Variants in KCNN4 observed in about 807,000 individuals in gnomAD.
The protein encoded by KCNN4 is intermediate conductance calcium-activated potassium channel protein 4.
A neutral mutation model predicts 45.2 loss-of-function variants in KCNN4; 31 were observed. That is an observed-to-expected ratio of 0.69 (90% CI 0.52 to 0.92). The LOEUF (loss-of-function observed/expected upper bound fraction) is 0.92, where lower values mean the gene tolerates loss of function less well. KCNN4 is among the 40% of genes least tolerant of loss of function. KCNN4 has a pLI of 0.00. For synonymous variants in KCNN4, 231 were observed against 254.6 expected (o/e 0.91, Z 0.88); for missense variants, 463 against 574.0 (o/e 0.81, Z 1.98).
In KCNN4 at chr19:43,772,604, C is replaced by G. The variant is rs1969673272; in HGVS notation, c.684-469G>C. 6.6e-6 allele frequency among the ~76,000 whole-genome samples: 1 copy of G among 152,186 alleles called. No homozygotes were observed. Among genetic ancestry groups the G allele is most frequent in the Non-Finnish European group, 1.5e-5 (1 of 68,034 alleles). ...GGCCCTATCAGGACCAAAAAGGACT[C>G]TAAAAAGGCTTGGTGGGACTCGGCC... On this transcript the variant is annotated intron_variant, in intron 3 of 8. Transcript: ENST00000648319. The surrounding 1 kb of genome is among the most constrained non-coding windows in gnomAD (Gnocchi z 4.4).
Position 43,769,351 on chromosome 19 carries a change from A to G in KCNN4, c.1049+91T>C, listed in dbSNP as rs1969573334. Reference sequence around the variant, plus strand: ...ACCACACCTGGGTGTCCTGACCTGGACAGGCATGGACATGCACACACACAG... The same window carrying G: ...ACCACACCTGGGTGTCCTGACCTGGGCAGGCATGGACATGCACACACACAG... On this transcript the variant is annotated intron_variant, in intron 6 of 8. Coordinates refer to ENST00000648319, the MANE Select transcript of KCNN4 (RefSeq NM_002250.3). This position sits in a 1 kb window ranked among gnomAD's most constrained non-coding sequence, Gnocchi z 4.4. 9.8e-7 allele frequency: 1 copy of G among 1,018,192 alleles called. No homozygotes were observed. The highest frequency in any genetic ancestry group is 1.5e-6 in the Non-Finnish European group (1 of 656,080). 63.1% of individuals were successfully genotyped at this position (1,018,192 alleles called of 1,614,324 possible).
rs1568391940 is a variant in KCNN4, at chr19:43,772,217, CATCCCCTTCCCTCT to C, written c.684-96_684-83del. The stretch of plus-strand genomic sequence containing the variant: ...CACTCCCCTTCCCTCTATACCCTCC[CATCCCCTTCCCTCT>C]GGTTCCCTCCCTTCCCCTCCCAGTA... On this transcript the variant is annotated intron_variant, in intron 3 of 8. Transcript: ENST00000648319. This position sits in a 1 kb window ranked among gnomAD's most constrained non-coding sequence, Gnocchi z 4.4. 2 of 1,492,306 alleles carry C rather than the reference CATCCCCTTCCCTCT, an allele frequency of 1.3e-6. No individual in the cohort carries two copies. The highest frequency in any genetic ancestry group is 2.4e-5 in the East Asian group (1 of 41,518). The allele number at this position is 1,492,306 out of a possible 1,614,324, so 92.4% of individuals were successfully genotyped here.
At position 43,769,849 on chromosome 19, in the gene KCNN4, C is replaced by T. The variant is rs201343391; in HGVS notation, c.820-20G>A. 9.5e-6 allele frequency: 15 copies of T among 1,579,792 alleles called. No homozygotes were observed. The African/African-American group carries it at 1.6e-4, about 17-fold the overall frequency. ...GACACCCTGTGGGCACAGCAGGCAC[C>T]GTGGCATGAGGCTGTGCCACCGACT... On this transcript the variant is annotated intron_variant, in intron 4 of 8. Coordinates refer to ENST00000648319, the MANE Select transcript of KCNN4 (RefSeq NM_002250.3). This position sits in a 1 kb window ranked among gnomAD's most constrained non-coding sequence, Gnocchi z 4.4.
Position 43,769,226 on chromosome 19 carries a change from C to T in KCNN4, c.1050-194G>A, listed in dbSNP as rs1969566300. 1 of 682,984 alleles carries T rather than the reference C, an allele frequency of 1.5e-6. No homozygotes were observed. The highest frequency in any genetic ancestry group is 1.8e-5 in the African/African-American group (1 of 55,730). 42.3% of individuals were successfully genotyped at this position (682,984 alleles called of 1,614,324 possible). On this transcript the variant is annotated intron_variant, in intron 6 of 8. Coordinates refer to ENST00000648319, the MANE Select transcript of KCNN4 (RefSeq NM_002250.3). The surrounding 1 kb of genome is among the most constrained non-coding windows in gnomAD (Gnocchi z 4.4). ...CCCATCCCCAGTAGAAACCCAGGTA[C>T]CCAGGTCCGCAGACACACCGAGATA...
intron 8 of KCNN4, 67 bp from the exon 9 acceptor site, chr19:43,767,156 G>A (rs1045712185): frequency 2.6e-5 from 6 of 231,090 alleles, no homozygotes; most frequent in South Asian, 1.9e-4. Flanking sequence ...GGGACACACC[G>A]AGGTGCAGAC....
chr19:43,775,618 C>T (rs1363400505), intron 2 of KCNN4, among the ~76,000 whole-genome samples: 1 of 152,126 alleles, frequency 6.6e-6, no homozygotes, highest in South Asian at 2.1e-4. Context: ...AGAATTGCCA[C>T]ACATGGCCAA....
rs772544754 is a variant in KCNN4, at chr19:43,772,148, G to A, written c.684-13C>T. On this transcript the variant is annotated splice_polypyrimidine_tract_variant and intron_variant, in intron 3 of 8. Transcript: ENST00000648319. This position sits in a 1 kb window ranked among gnomAD's most constrained non-coding sequence, Gnocchi z 4.4. ...ATTAACAGCCTGCCTATGGGGAAGGGTAGGTTAGTTCTAAAACCCCACCAT... is the reference window on the plus strand; with the variant it reads ...ATTAACAGCCTGCCTATGGGGAAGGATAGGTTAGTTCTAAAACCCCACCAT... The A allele has an allele frequency of 1.9e-6, 3 of 1,612,816 alleles. No homozygotes were observed. In the East Asian group the frequency reaches 6.7e-5, roughly 36 times the overall value.
In KCNN4 at chr19:43,772,038, T is replaced by C. The variant is rs1308317798; in HGVS notation, c.781A>G (p.Met261Val). The change falls in exon 4 of 9, where the codon ATG becomes GTG. Residue 261 changes from methionine (M) to valine (V), a missense_variant. Met to Val is a conservative substitution (Grantham distance 21). This residue lies in a region of KCNN4 where 109 missense variants were observed against 183.7 expected (regional missense o/e 0.59). Transcript: ENST00000648319. The surrounding 1 kb of genome is among the most constrained non-coding windows in gnomAD (Gnocchi z 4.4). ...CACAGGCAGACGATCTTGCCCCACA[T>C]GGTGCCCGGCACCACGTCACCATAG... ...IGYGDVVPGT[M>V]WGKIVCLCTG... is the part of the protein sequence containing the mutation. 47 of 1,613,288 alleles carry C rather than the reference T, an allele frequency of 2.9e-5. No homozygotes were observed. The highest frequency in any genetic ancestry group is 4.0e-5 in the Non-Finnish European group (47 of 1,179,740).
At chr19:43,775,658 T>C (rs1341126937) in intron 2 of KCNN4, among the ~76,000 whole-genome samples, 1 of 151,796 alleles carries the variant, frequency 6.6e-6, no homozygotes, top group African/African-American at 2.4e-5. Context: ...AAAGTTATGA[T>C]AGGAGAGGGG....
At position 43,771,549 on chromosome 19, in the gene KCNN4, G is replaced by T. The variant is rs144710804; in HGVS notation, c.819+451C>A. On this transcript the variant is annotated intron_variant, in intron 4 of 8. Coordinates refer to ENST00000648319, the MANE Select transcript of KCNN4 (RefSeq NM_002250.3). ...ACTGGACTCTACACCCTTGATGGAGGCTGGGAGACGATTTCCCAGTTCTGG... is the reference window on the plus strand; with the variant it reads ...ACTGGACTCTACACCCTTGATGGAGTCTGGGAGACGATTTCCCAGTTCTGG... 3.9e-3 allele frequency among the ~76,000 whole-genome samples: 597 copies of T among 152,228 alleles called. 12 individuals carry two copies. The highest frequency in any genetic ancestry group is 0.018 in the East Asian group (95 of 5,166).
At chr19:43,779,108 G>A (rs1418739788) in intron 1 of KCNN4, among the ~76,000 whole-genome samples, 1 of 152,200 alleles carries the variant, frequency 6.6e-6, no homozygotes, top group Non-Finnish European at 1.5e-5. Flanking sequence ...TGGGGAAACT[G>A]AGGTTCAGAG....
chr19:43,779,509 G>A (rs909440910), intron 1 of KCNN4, among the ~76,000 whole-genome samples: 1 of 152,050 alleles, frequency 6.6e-6, no homozygotes, highest in Non-Finnish European at 1.5e-5. Context: ...ATCAGTGTCC[G>A]CATCTGGCCC....
chr19:43,767,434 G>A, intron 8 of KCNN4, 106 bp downstream of exon 8: 1 of 1,377,016 alleles, frequency 7.3e-7, no homozygotes, highest in Non-Finnish European at 9.7e-7. Context: ...ATGAGAAAAG[G>A]CGGCCTTGTC....
intron 1 of KCNN4, among the ~76,000 whole-genome samples, chr19:43,779,171 G>A (rs1341561522): frequency 2.0e-5 from 3 of 152,210 alleles, no homozygotes; most frequent in African/African-American, 7.2e-5. Context: ...GCCTGGCCAT[G>A]GTGGAGGGAA....
At chr19:43,778,487 C>T (rs1030429315) in intron 1 of KCNN4, among the ~76,000 whole-genome samples, 2 of 152,208 alleles carry the variant, frequency 1.3e-5, no homozygotes, top group African/African-American at 4.8e-5. Context: ...GATCCGCCCA[C>T]CTCGGCCTCC....
In KCNN4 at chr19:43,774,531, C is replaced by T. The variant is rs1397044732; in HGVS notation, c.344G>A (p.Cys115Tyr). The T allele has an allele frequency of 6.3e-6, 10 of 1,595,874 alleles. No individual in the cohort carries two copies. Among genetic ancestry groups the T allele is most frequent in the Non-Finnish European group, 8.5e-6 (10 of 1,175,910 alleles). The stretch of plus-strand genomic sequence containing the variant: ...CCGCACGGGCGCCGGGTGCAGCCCA[C>T]ACACCACCAGCTCCAGCACGATCTG... ...AAQIVLELVV[C>Y]GLHPAPVRGP... The change falls in exon 3 of 9, where the codon TGT becomes TAT. Residue 115 changes from cysteine (C) to tyrosine (Y), a missense_variant. By Grantham distance (194) the Cys-to-Tyr change is radical (BLOSUM62 -2). Coordinates refer to ENST00000648319, the MANE Select transcript of KCNN4 (RefSeq NM_002250.3). The surrounding 1 kb of genome is among the most constrained non-coding windows in gnomAD (Gnocchi z 5.6).
intron 1 of KCNN4, among the ~76,000 whole-genome samples, chr19:43,780,066 G>A (rs1432738250): frequency 6.6e-6 from 1 of 151,934 alleles, no homozygotes; most frequent in Non-Finnish European, 1.5e-5. Context: ...AAGAGCTGCC[G>A]CCTACTGGAA....
Position 43,774,220 on chromosome 19 carries a change from T to C in KCNN4, c.655A>G (p.Thr219Ala). 3.1e-6 allele frequency: 5 copies of C among 1,612,556 alleles called. No homozygotes were observed. Among genetic ancestry groups the C allele is most frequent in the Non-Finnish European group, 4.2e-6 (5 of 1,179,114 alleles). The change falls in exon 3 of 9, where the codon ACC (threonine) becomes GCC (alanine). Residue 219 changes from threonine to alanine, a missense_variant. Around this residue, in one of 3 missense-constraint regions of KCNN4, gnomAD observed 109 missense variants for 183.7 expected, o/e 0.59. Coordinates refer to ENST00000648319, the MANE Select transcript of KCNN4 (RefSeq NM_002250.3). This position sits in a 1 kb window ranked among gnomAD's most constrained non-coding sequence, Gnocchi z 5.6. ...LGLTLGLWLTTAWVLSVAERQ... is the reference protein window; with the variant it reads ...LGLTLGLWLTAAWVLSVAERQ... Reference sequence around the variant, plus strand: ...TCGGCCACGGACAGCACCCAGGCGGTGGTCAGCCAGAGGCCAAGCGTGAGG... The same window carrying C: ...TCGGCCACGGACAGCACCCAGGCGGCGGTCAGCCAGAGGCCAAGCGTGAGG...
At chr19:43,770,904 G>C (rs1223076343) in intron 4 of KCNN4, among the ~76,000 whole-genome samples, 1 of 152,164 alleles carries the variant, frequency 6.6e-6, no homozygotes, top group Non-Finnish European at 1.5e-5. Flanking sequence ...CGGTGCTGCA[G>C]GTCCCTAACT....
Sources: allele counts gnomAD v4.1 joint callset (sites outside exome capture counted in the v4.1 genomes callset), GRCh38; gene constraint gnomAD v4.1.1; regional missense constraint gnomAD v4.1.1; non-coding constraint Gnocchi (gnomAD v3.1); transcripts MANE v1.5; gene names NCBI Gene and HGNC (gene_info 2026-07-23, HGNC 2026-07-21).